The following PLCL1 variants were observed in gnomAD, a reference collection of about 807,000 sequenced individuals.
PLCL1 encodes the protein phospholipase C like 1 (inactive), also known as inactive phospholipase C-like protein 1.
In PLCL1, 41 loss-of-function variants were observed where a neutral mutation model predicts 84.4. The observed-to-expected ratio is 0.49, with a 90% CI of 0.38 to 0.63. The LOEUF is 0.63. Among genes scored for constraint, PLCL1 ranks in the 30% least tolerant of loss-of-function variants. The pLI is 0.00. For missense variants in PLCL1, 1,206 were observed against 1,367.8 expected (o/e 0.88, Z 1.87); for synonymous variants, 490 against 488.3 (o/e 1.00, Z -0.05).
Position 198,084,841 on chromosome 2 carries a change from G to A in PLCL1, c.1324G>A (p.Val442Ile), listed in dbSNP as rs201197388. 1.1e-4 allele frequency: 185 copies of A among 1,614,012 alleles called. No individual in the cohort carries two copies. The highest frequency in any genetic ancestry group is 5.0e-4 in the Middle Eastern group (3 of 6,058). ...IRALKMGCRS[V>I]ELDVSDGSDN... ...AGCTTTGAAAATGGGCTGTCGAAGC[G>A]TTGAACTCGATGTAAGTGATGGTTC... Residue 442 changes from valine (V) to isoleucine (I), a missense_variant, in exon 2 of 6, where the codon GTT becomes ATT. Transcript: ENST00000428675.
intron 1 of PLCL1, among the ~76,000 whole-genome samples, chr2:198,033,738 CG>C (rs1691486668): frequency 6.6e-6 from 1 of 152,090 alleles, no homozygotes; most frequent in South Asian, 2.1e-4. Flanking sequence ...CCTGATTCTC[CG>C]TTTACGTGAT....
intron 1 of PLCL1, among the ~76,000 whole-genome samples, chr2:197,905,914 G>A (rs1688371855): frequency 1.3e-5 from 2 of 151,894 alleles, no homozygotes; most frequent in African/African-American, 4.8e-5. Flanking sequence ...TTTTGATGGG[G>A]TTGTTTTTTT....
intron 1 of PLCL1, among the ~76,000 whole-genome samples, chr2:198,005,309 A>G (rs1690703613): frequency 6.6e-6 from 1 of 152,260 alleles, no homozygotes; most frequent in Non-Finnish European, 1.5e-5. Context: ...AGCAGATTTC[A>G]AAGGTGAAAA....
chr2:197,893,896 C>T (rs994778674), intron 1 of PLCL1, among the ~76,000 whole-genome samples: 5 of 151,696 alleles, frequency 3.3e-5, no homozygotes, highest in African/African-American at 1.2e-4. Flanking sequence ...GTTCAGAGAC[C>T]CAGGCTCTTT....
chr2:197,908,500 C>A (rs999864856), intron 1 of PLCL1, among the ~76,000 whole-genome samples: 1 of 152,216 alleles, frequency 6.6e-6, no homozygotes, highest in African/African-American at 2.4e-5. Context: ...AGTCTACTTT[C>A]TCTTCCATGA....
intron 1 of PLCL1, among the ~76,000 whole-genome samples, chr2:197,814,139 C>G (rs1031686440): frequency 1.3e-5 from 2 of 152,128 alleles, no homozygotes; most frequent in Admixed American, 1.3e-4. Flanking sequence ...CATTATCACA[C>G]TTTGCTTTGT....
rs16827438 is a variant in PLCL1, at chr2:198,077,081, C to G, written c.241-6677C>G. Reference sequence around the variant, plus strand: ...TGGATTTATTACTCTCTGCCTCTGCCTGTTATTCGGTCTCATTTGGGGCCA... The same window carrying G: ...TGGATTTATTACTCTCTGCCTCTGCGTGTTATTCGGTCTCATTTGGGGCCA... On this transcript the variant is annotated intron_variant, in intron 1 of 5. Coordinates refer to ENST00000428675, the MANE Select transcript of PLCL1 (RefSeq NM_006226.4). Among the ~76,000 whole-genome samples the G allele has an allele frequency of 3.9e-3, 588 of 152,288 alleles. 5 individuals are homozygous for G. The highest frequency in any genetic ancestry group is 0.012 in the African/African-American group (517 of 41,568).
At chr2:198,115,561 G>A (rs1693723812) in intron 5 of PLCL1, among the ~76,000 whole-genome samples, 1 of 151,800 alleles carries the variant, frequency 6.6e-6, no homozygotes, top group Non-Finnish European at 1.5e-5. Flanking sequence ...TTTATATATT[G>A]TATTATGCTG....
intron 1 of PLCL1, among the ~76,000 whole-genome samples, chr2:198,020,237 A>G (rs1246571792): frequency 6.6e-6 from 1 of 152,230 alleles, no homozygotes; most frequent in African/African-American, 2.4e-5. Flanking sequence ...TCCTGAAGGA[A>G]GCACTAAATA....
At chr2:198,117,909 C>T (rs1693783291) in intron 5 of PLCL1, among the ~76,000 whole-genome samples, 1 of 151,748 alleles carries the variant, frequency 6.6e-6, no homozygotes, top group Non-Finnish European at 1.5e-5. Context: ...ATCAATAGTA[C>T]ATTTTAGCCT....
At chr2:198,009,381 C>A (rs1013655485) in intron 1 of PLCL1, among the ~76,000 whole-genome samples, 2 of 151,918 alleles carry the variant, frequency 1.3e-5, no homozygotes, top group Non-Finnish European at 2.9e-5. Flanking sequence ...GGCAAGGGCC[C>A]AAATTCACTC....
chr2:197,940,817 G>A (rs1342798830), intron 1 of PLCL1, among the ~76,000 whole-genome samples: 2 of 152,090 alleles, frequency 1.3e-5, no homozygotes, highest in Non-Finnish European at 2.9e-5. Context: ...TTTTTGGAAA[G>A]TTATTTTAAA....
intron 1 of PLCL1, among the ~76,000 whole-genome samples, chr2:197,923,531 C>T (rs953356639): frequency 7.1e-6 from 1 of 140,246 alleles, no homozygotes; most frequent in African/African-American, 2.7e-5. Flanking sequence ...GGCGGCGGGG[C>T]AGAGTCGCTC....
intron 1 of PLCL1, among the ~76,000 whole-genome samples, chr2:198,059,392 G>A (rs1692141086): frequency 1.3e-5 from 2 of 152,084 alleles, no homozygotes; most frequent in African/African-American, 4.8e-5. Context: ...CATCTGTTTG[G>A]TTTCTGTATA....
intron 1 of PLCL1, among the ~76,000 whole-genome samples, chr2:198,074,580 A>G (rs968114139): frequency 1.1e-4 from 16 of 152,186 alleles, no homozygotes; most frequent in African/African-American, 3.9e-4. Context: ...CGGAGCTTGC[A>G]GTGAGCCGAG....
intron 3 of PLCL1, among the ~76,000 whole-genome samples, chr2:198,094,979 T>A (rs1693158192): frequency 6.6e-6 from 1 of 152,146 alleles, no homozygotes; most frequent in African/African-American, 2.4e-5. Context: ...TAGAGGGAAC[T>A]GGGAGCACTA....
chr2:197,942,767 T>C (rs2105775745), intron 1 of PLCL1, among the ~76,000 whole-genome samples: 1 of 152,332 alleles, frequency 6.6e-6, no homozygotes, highest in South Asian at 2.1e-4. Context: ...CATCACAGGT[T>C]CTCTTGTCTA....
chr2:198,121,100 T>G (rs1693856385), intron 5 of PLCL1, among the ~76,000 whole-genome samples: 1 of 152,054 alleles, frequency 6.6e-6, no homozygotes. Context: ...TATGCCTGTT[T>G]GCCATTTGTC....
intron 1 of PLCL1, among the ~76,000 whole-genome samples, chr2:198,024,901 T>C (rs560920727): frequency 8.5e-5 from 13 of 152,308 alleles, no homozygotes; most frequent in Admixed American, 7.2e-4. Context: ...ACATAATTCC[T>C]AATGATACTT....
Sources: gnomAD v4.1 joint callset for allele counts (sites outside exome capture counted in the v4.1 genomes callset) on GRCh38, gnomAD v4.1.1 for gene constraint, MANE v1.5 for transcripts, NCBI Gene and HGNC (gene_info 2026-07-23, HGNC 2026-07-21) for gene names.